The following LINGO2 variants were observed in gnomAD, a reference collection of about 807,000 sequenced individuals.
The protein encoded by LINGO2 is leucine rich repeat and Ig domain containing 2, also known as leucine-rich repeat and immunoglobulin-like domain-containing nogo receptor-interacting protein 2.
Under a neutral mutation model 30.6 loss-of-function variants are expected in LINGO2, and 14 were observed. The ratio of observed to expected loss-of-function variants is 0.46; its 90% CI spans 0.30 to 0.72. The LOEUF is 0.72. LINGO2 is among the 30% of genes least tolerant of loss of function. The probability of loss-of-function intolerance (pLI) is 0.07; values close to 1 mark genes in which losing one functional copy is unlikely to be tolerated. For synonymous variants in LINGO2, 317 were observed against 288.5 expected, an observed-to-expected ratio of 1.10 and a Z score of -1.00; for missense variants, 729 against 751.7, an observed-to-expected ratio of 0.97 and a Z score of 0.35.
At chr9:29,046,200 A>G in the LINGO2 span, among the ~76,000 whole-genome samples, 4 of 152,248 alleles carry the variant, frequency 2.6e-5, no homozygotes, top group African/African-American at 9.6e-5. Context: ...AGGCATCCTT[A>G]TCTTATGCTG....
chr9:28,544,355 C>T (rs575676512), intron 1 of LINGO2, among the ~76,000 whole-genome samples: 47 of 152,168 alleles, frequency 3.1e-4, no homozygotes, highest in African/African-American at 1.1e-3. Flanking sequence ...GAAATCATAC[C>T]TGTAATGCAG....
chr9:28,546,699 G>A (rs563766955), intron 1 of LINGO2, among the ~76,000 whole-genome samples: 1 of 152,110 alleles, frequency 6.6e-6, no homozygotes, highest in East Asian at 1.9e-4. Flanking sequence ...CTGCCTTGAG[G>A]GAGAAAAGGG....
intron 2 of LINGO2, among the ~76,000 whole-genome samples, chr9:28,428,773 T>C (rs1448621307): frequency 6.6e-6 from 1 of 152,144 alleles, no homozygotes; most frequent in Non-Finnish European, 1.5e-5. Context: ...CTGTCAGTTA[T>C]GAATGACTTT....
chr9:28,229,390 GAC>G (rs1397044408), intron 4 of LINGO2, among the ~76,000 whole-genome samples: 1 of 151,458 alleles, frequency 6.6e-6, no homozygotes, highest in Admixed American at 6.6e-5. Flanking sequence ...AAAAAATAAA[GAC>G]AATTTTAATA....
intron 4 of LINGO2, among the ~76,000 whole-genome samples, chr9:28,266,700 CAAAACCT>C (rs1822763608): frequency 6.6e-6 from 1 of 151,934 alleles, no homozygotes; most frequent in South Asian, 2.1e-4. Context: ...ACCAGAAAGG[CAAAACCT>C]AAATTGGGTT....
chr9:28,189,278 AGGGAGGGAGGG>A (rs1564028653), intron 4 of LINGO2, among the ~76,000 whole-genome samples: 8 of 64,864 alleles, frequency 1.2e-4, no homozygotes, highest in African/African-American at 4.1e-4. Flanking sequence ...GGAGGAAGGG[AGGGAGGGAGGG>A]AGGAAGGAAG....
intron 4 of LINGO2, among the ~76,000 whole-genome samples, chr9:28,054,449 G>A (rs751756794): frequency 9.9e-5 from 15 of 152,218 alleles, no homozygotes; most frequent in African/African-American, 3.1e-4. Context: ...CTGCTATACT[G>A]ACATATATAC....
chr9:28,511,288 A>G (rs1272808915), intron 1 of LINGO2, among the ~76,000 whole-genome samples: 3 of 152,196 alleles, frequency 2.0e-5, no homozygotes, highest in Non-Finnish European at 4.4e-5. Flanking sequence ...CCATGATGGA[A>G]GAGGTCCAAT....
At chr9:27,998,008 A>C (rs1206986) in intron 5 of LINGO2, among the ~76,000 whole-genome samples, 8,275 of 152,012 alleles carry the variant, frequency 0.054, 751 homozygotes, top group African/African-American at 0.19. Context: ...TATTTTGAAA[A>C]TTATAATATT....
At chr9:28,109,568 T>C (rs1444990844) in intron 4 of LINGO2, among the ~76,000 whole-genome samples, 5 of 152,084 alleles carry the variant, frequency 3.3e-5, no homozygotes, top group African/African-American at 1.2e-4. Flanking sequence ...AAAATCAATG[T>C]GCAAAAATCA....
the LINGO2 span, among the ~76,000 whole-genome samples, chr9:28,874,298 G>C: frequency 6.6e-6 from 1 of 151,906 alleles, no homozygotes; most frequent in African/African-American, 2.4e-5. Flanking sequence ...TTCTACGTAA[G>C]TGATATATCT....
chr9:28,309,878 T>C lies in LINGO2; in HGVS notation c.-245-14512A>G, dbSNP rs559809411. On this transcript the variant is annotated intron_variant, in intron 3 of 5. Transcript: ENST00000379992. The stretch of plus-strand genomic sequence containing the variant: ...TGATTTCACACTTCACCAAAGAGGC[T>C]ACATGGATGGCACATCAGCACATGA... 3.3e-5 allele frequency among the ~76,000 whole-genome samples: 5 copies of C among 151,994 alleles called. No homozygotes were observed. In the South Asian group the frequency reaches 1.0e-3, roughly 32 times the overall value.
At chr9:28,553,265 A>C (rs1411530225) in intron 1 of LINGO2, among the ~76,000 whole-genome samples, 1 of 152,120 alleles carries the variant, frequency 6.6e-6, no homozygotes, top group Non-Finnish European at 1.5e-5. Flanking sequence ...ATGTAGAAGA[A>C]TGTGTAACTA....
At chr9:29,052,710 G>A in the LINGO2 span, among the ~76,000 whole-genome samples, 1 of 152,124 alleles carries the variant, frequency 6.6e-6, no homozygotes. Flanking sequence ...CTTGAGATTG[G>A]AGAAGGGTGA....
At chr9:28,834,830 T>C in the LINGO2 span, among the ~76,000 whole-genome samples, 1 of 152,128 alleles carries the variant, frequency 6.6e-6, no homozygotes, top group Non-Finnish European at 1.5e-5. Context: ...TGTTCCAACA[T>C]AGTAGGTGAA....
chr9:28,688,331 C>T, the LINGO2 span, among the ~76,000 whole-genome samples: 2 of 152,174 alleles, frequency 1.3e-5, no homozygotes, highest in African/African-American at 4.8e-5. Context: ...GCTCACTGAG[C>T]CAAGAACAAG....
the LINGO2 span, among the ~76,000 whole-genome samples, chr9:29,101,545 T>G: frequency 7.9e-5 from 12 of 152,250 alleles, no homozygotes; most frequent in South Asian, 2.1e-3. Context: ...CCCTCCCCCG[T>G]GTAGTGTCTT....
At chr9:29,077,915 T>C in the LINGO2 span, among the ~76,000 whole-genome samples, 886 of 151,970 alleles carry the variant, frequency 5.8e-3, 8 homozygotes, top group African/African-American at 0.021. Context: ...TCCCAAAGAA[T>C]TGGAATTAAG....
the LINGO2 span, among the ~76,000 whole-genome samples, chr9:29,181,022 G>T: frequency 5.9e-5 from 9 of 152,142 alleles, no homozygotes; most frequent in Non-Finnish European, 1.5e-5. Flanking sequence ...TTAAATGCAA[G>T]ATCAACATAT....
Sources: allele counts gnomAD v4.1 joint callset (sites outside exome capture counted in the v4.1 genomes callset), GRCh38; gene constraint gnomAD v4.1.1; transcripts MANE v1.5; gene names NCBI Gene and HGNC (gene_info 2026-07-23, HGNC 2026-07-21).